The following SCPEP1 variants were observed in gnomAD, a reference collection of about 807,000 sequenced individuals.
The protein encoded by SCPEP1 is serine carboxypeptidase 1, also known as retinoid-inducible serine carboxypeptidase.
A neutral mutation model predicts 63.8 loss-of-function variants in SCPEP1; 51 were observed. The ratio of observed to expected loss-of-function variants is 0.80; its 90% CI spans 0.64 to 1.01. SCPEP1 has a LOEUF of 1.01. Ranked by LOEUF, SCPEP1 falls within the 50% of genes least tolerant of loss-of-function variation. SCPEP1 has a pLI of 0.00. For missense variants in SCPEP1, 499 were observed against 554.9 expected (o/e 0.90, Z 1.01); for synonymous variants, 204 against 207.8 (o/e 0.98, Z 0.16).
At chr17:56,994,806 CTG>C (rs1327926115) in intron 6 of SCPEP1, 173 bp from the exon 7 acceptor site, 1 of 553,130 alleles carries the variant, frequency 1.8e-6, no homozygotes, top group African/African-American at 1.9e-5. Flanking sequence ...CTTCCAGACA[CTG>C]AGACATCAGC....
At position 57,006,432 on chromosome 17, in the gene SCPEP1, C is replaced by G. The variant is rs1405420995; in HGVS notation, c.*197C>G. The G allele has an allele frequency of 7.7e-6, 3 of 388,896 alleles. No homozygotes were observed. Among genetic ancestry groups the G allele is most frequent in the Non-Finnish European group, 9.2e-6 (2 of 217,264 alleles). The allele number at this position is 388,896 out of a possible 1,614,324, so 24.1% of individuals were successfully genotyped here. ...AAATTATTTCTGCTTCTTAAAAAAA[C>G]CTAAGATTTTTTAAAAAATTGATTT... On this transcript the variant is annotated 3_prime_UTR_variant, in exon 13 of 13. Transcript: ENST00000262288.
intron 2 of SCPEP1, among the ~76,000 whole-genome samples, chr17:56,981,890 C>A (rs1338668332): frequency 6.6e-6 from 1 of 152,192 alleles, no homozygotes; most frequent in Admixed American, 6.5e-5. Context: ...CTGACCCTCC[C>A]TTCCTCTCCA....
chr17:56,999,232 G>A (rs547848738), intron 10 of SCPEP1, among the ~76,000 whole-genome samples: 5 of 152,228 alleles, frequency 3.3e-5, no homozygotes, highest in African/African-American at 9.6e-5. Context: ...CCAGGTGCTC[G>A]GGCAGATTTT....
chr17:56,987,943 G>A (rs1269325917), intron 4 of SCPEP1, 93 bp downstream of exon 4: 1 of 1,378,788 alleles, frequency 7.3e-7, no homozygotes, highest in Non-Finnish European at 9.9e-7. Flanking sequence ...AGAGTTTAAT[G>A]CCTAGCTGAT....
chr17:56,987,679 C>G lies in SCPEP1; in HGVS notation c.316-16C>G. On this transcript the variant is annotated splice_polypyrimidine_tract_variant and intron_variant, in intron 3 of 12. Transcript: ENST00000262288. ...ATGTCTGATTGCAACATTTCGTTTT[C>G]CTCCGTGGTACATAGCTCCAGGCTG... 10 of 1,606,888 alleles carry G rather than the reference C, an allele frequency of 6.2e-6. No homozygotes were observed. The highest frequency in any genetic ancestry group is 8.5e-6 in the Non-Finnish European group (10 of 1,177,008).
intron 5 of SCPEP1, 65 bp from the exon 6 acceptor site, chr17:56,991,034 A>G (rs1039879952): frequency 8.5e-6 from 10 of 1,182,408 alleles, no homozygotes; most frequent in Non-Finnish European, 1.1e-5. Context: ...AGCTTCCCAA[A>G]GTGTTGGGAT....
intron 3 of SCPEP1, among the ~76,000 whole-genome samples, chr17:56,985,749 G>A (rs1221691327): frequency 6.6e-6 from 1 of 152,054 alleles, no homozygotes; most frequent in Non-Finnish European, 1.5e-5. Flanking sequence ...CTGGGACCCT[G>A]TGTTATGCAC....
chr17:57,003,978 C>T (rs1911814221), intron 12 of SCPEP1, among the ~76,000 whole-genome samples: 1 of 152,188 alleles, frequency 6.6e-6, no homozygotes, highest in South Asian at 2.1e-4. Context: ...GCAGGTGGAT[C>T]ACCTGAGGTC....
chr17:56,979,023 A>T (rs1023920210), intron 1 of SCPEP1, among the ~76,000 whole-genome samples: 6 of 152,134 alleles, frequency 3.9e-5, no homozygotes, highest in African/African-American at 1.4e-4. Context: ...TTCTCAAGGG[A>T]GCGCAGCCTT....
At chr17:56,983,855 C>T (rs1471152742) in intron 2 of SCPEP1, 1 of 151,700 alleles carries the variant, frequency 6.6e-6, no homozygotes. Context: ...TTTAGATTTC[C>T]CTACACAAAT....
intron 6 of SCPEP1, among the ~76,000 whole-genome samples, chr17:56,993,587 G>T (rs1171952355): frequency 6.6e-6 from 1 of 152,138 alleles, no homozygotes; most frequent in Admixed American, 6.5e-5. Context: ...GGGATTACAG[G>T]TGCCCACCAC....
chr17:57,000,761 T>C (rs913330079), intron 10 of SCPEP1, 94 bp from the exon 11 acceptor site: 2 of 1,431,378 alleles, frequency 1.4e-6, no homozygotes, highest in Non-Finnish European at 2.0e-6. Context: ...TCAGTCGTTG[T>C]TCGGTGCTGG....
Position 56,981,181 on chromosome 17 carries a change from C to T in SCPEP1, c.176C>T (p.Thr59Ile). The T allele has an allele frequency of 6.2e-7, 1 of 1,614,180 alleles. No individual in the cohort carries two copies. Among genetic ancestry groups the T allele is most frequent in the Non-Finnish European group, 8.5e-7 (1 of 1,180,042 alleles). Residue 59 changes from threonine (T) to isoleucine (I), a missense_variant, in exon 2 of 13, where the codon ACC becomes ATC. Coordinates refer to ENST00000262288, the MANE Select transcript of SCPEP1 (RefSeq NM_021626.3). ...AYMFWWLYYA[T>I]NSCKNFSELP... is the part of the protein sequence containing the mutation. ...ATGTTCTGGTGGCTCTATTATGCCA[C>T]CAACTCCTGCAAGAACTTCTCAGAA...
chr17:56,990,237 A>C (rs539687573), intron 5 of SCPEP1, among the ~76,000 whole-genome samples: 1 of 152,242 alleles, frequency 6.6e-6, no homozygotes, highest in Non-Finnish European at 1.5e-5. Flanking sequence ...GACACACTTA[A>C]CTGCAGTCAG....
chr17:56,978,273 C>CT (rs1567861925), intron 1 of SCPEP1, 38 bp downstream of exon 1: 1 of 1,505,010 alleles, frequency 6.6e-7, no homozygotes, highest in Non-Finnish European at 8.9e-7. Flanking sequence ...TGCCATGCCT[C>CT]TTTTTTCTCC....
chr17:56,995,152 A>G, intron 7 of SCPEP1, 134 bp downstream of exon 7: 2 of 725,630 alleles, frequency 2.8e-6, no homozygotes, highest in East Asian at 2.7e-5. Context: ...AGTCATCCAC[A>G]TAGAGTTGGA....
At chr17:56,999,108 A>G (rs1266191078) in intron 10 of SCPEP1, among the ~76,000 whole-genome samples, 5 of 152,104 alleles carry the variant, frequency 3.3e-5, no homozygotes, top group African/African-American at 1.2e-4. Flanking sequence ...TCTCCTTTCT[A>G]TCCATTTGAA....
chr17:57,006,088 G>T, intron 12 of SCPEP1, 85 bp from the exon 13 acceptor site: 2 of 1,102,776 alleles, frequency 1.8e-6, no homozygotes, highest in South Asian at 1.5e-5. Flanking sequence ...GCTCCCTTTT[G>T]GGAGCAAGGT....
At position 57,002,094 on chromosome 17, in the gene SCPEP1, C is replaced by G. The variant is rs753449599; in HGVS notation, c.1209C>G (p.Tyr403Ter). ...GTCAGCTGAAGTGGAAGGCCCTGTA[C>G]AGTGACCCTAAATCTTTGGAAACAT... ...KFSQLKWKALYSDPKSLETSA... is the reference protein window; with the variant it reads ...KFSQLKWKAL Residue 403 changes from tyrosine (Y) to a stop codon, truncating the protein, a stop_gained, in exon 12 of 13, where the codon TAC (tyrosine) becomes TAG (stop). Transcript: ENST00000262288. LOFTEE classifies it high-confidence loss of function. The G allele has an allele frequency of 1.2e-6, 2 of 1,614,204 alleles. No homozygotes were observed. The highest frequency in any genetic ancestry group is 2.2e-5 in the South Asian group (2 of 91,092).
Sources: allele counts gnomAD v4.1 joint callset (sites outside exome capture counted in the v4.1 genomes callset), GRCh38; gene constraint gnomAD v4.1.1; transcripts MANE v1.5; gene names NCBI Gene and HGNC (gene_info 2026-07-23, HGNC 2026-07-21).